Variants in SPMIP2 observed in about 807,000 individuals in gnomAD.
SPMIP2 encodes sperm microtubule inner protein 2, also known as protein SPMIP2.
the SPMIP2 span, among the ~76,000 whole-genome samples, chr4:158,959,876 A>G: frequency 6.6e-6 from 1 of 152,156 alleles, no homozygotes; most frequent in Non-Finnish European, 1.5e-5. Flanking sequence ...ATTAACCAAG[A>G]TTACCCATTA....
At chr4:159,039,960 T>C in the SPMIP2 span, among the ~76,000 whole-genome samples, 2 of 152,228 alleles carry the variant, frequency 1.3e-5, no homozygotes, top group Admixed American at 6.5e-5. Flanking sequence ...GCTTTTATTA[T>C]ATAGCAGAGA....
the SPMIP2 span, among the ~76,000 whole-genome samples, chr4:158,944,989 C>T: frequency 6.6e-6 from 1 of 152,160 alleles, no homozygotes; most frequent in Non-Finnish European, 1.5e-5. Context: ...TAAATTCCTT[C>T]CTGGCTTTCC....
At chr4:159,021,510 T>C in the SPMIP2 span, among the ~76,000 whole-genome samples, 1 of 152,174 alleles carries the variant, frequency 6.6e-6, no homozygotes, top group African/African-American at 2.4e-5. Flanking sequence ...GACCAATATA[T>C]AGAATAAGAT....
chr4:158,915,476 G>A, the SPMIP2 span: 1 of 938,640 alleles, frequency 1.1e-6, no homozygotes, highest in Non-Finnish European at 1.6e-6. Flanking sequence ...CTAGCCATGT[G>A]GCTTAGGAAA....
At chr4:159,032,889 T>C in the SPMIP2 span, among the ~76,000 whole-genome samples, 1 of 151,584 alleles carries the variant, frequency 6.6e-6, no homozygotes, top group African/African-American at 2.4e-5. Context: ...TGCAAAATAG[T>C]ATAGCTAGTT....
the SPMIP2 span, among the ~76,000 whole-genome samples, chr4:158,928,741 C>A: frequency 6.6e-6 from 1 of 152,118 alleles, no homozygotes; most frequent in Admixed American, 6.6e-5. Context: ...GTCTTTGGGT[C>A]CACGCTGCTT....
the SPMIP2 span, among the ~76,000 whole-genome samples, chr4:158,922,819 T>A: frequency 6.6e-6 from 1 of 152,226 alleles, no homozygotes; most frequent in Admixed American, 6.5e-5. Flanking sequence ...ATATTTTATA[T>A]AAATGGAATC....
chr4:159,040,231 G>A, the SPMIP2 span, among the ~76,000 whole-genome samples: 1 of 151,980 alleles, frequency 6.6e-6, no homozygotes, highest in African/African-American at 2.4e-5. Context: ...GAGTGCAGTG[G>A]TGTGCTCTTG....
At chr4:159,027,211 G>A in the SPMIP2 span, among the ~76,000 whole-genome samples, 37,874 of 151,900 alleles carry the variant, frequency 0.25, 5,312 homozygotes, top group Admixed American at 0.34. Context: ...TGATAGCAAC[G>A]CCTAATATCT....
chr4:158,960,379 C>T, the SPMIP2 span: 1 of 1,308,494 alleles, frequency 7.6e-7, no homozygotes, highest in African/African-American at 1.5e-5. Flanking sequence ...ACCATAATTC[C>T]AAAGTAAAGA....
the SPMIP2 span, among the ~76,000 whole-genome samples, chr4:158,948,117 T>C: frequency 1.3e-5 from 2 of 152,204 alleles, no homozygotes; most frequent in East Asian, 3.8e-4. Context: ...CTTTGCTTGT[T>C]CCTGTCTGAA....
the SPMIP2 span, among the ~76,000 whole-genome samples, chr4:159,017,511 T>C: frequency 1.3e-5 from 2 of 152,046 alleles, no homozygotes; most frequent in Admixed American, 6.6e-5. Context: ...GGTGCAATCA[T>C]AGCTCACTAC....
At chr4:158,992,850 G>T in the SPMIP2 span, among the ~76,000 whole-genome samples, 1 of 152,258 alleles carries the variant, frequency 6.6e-6, no homozygotes, top group Admixed American at 6.5e-5. Flanking sequence ...GAGCCCTCAT[G>T]GCCTAATCAT....
the SPMIP2 span, among the ~76,000 whole-genome samples, chr4:158,948,672 TG>T: frequency 2.0e-5 from 3 of 151,760 alleles, no homozygotes; most frequent in African/African-American, 7.2e-5. Flanking sequence ...TGGAGGGCAG[TG>T]GGATGTTTGA....
chr4:159,047,021 C>G, the SPMIP2 span, among the ~76,000 whole-genome samples: 7 of 152,220 alleles, frequency 4.6e-5, no homozygotes, highest in African/African-American at 1.7e-4. Context: ...CAGACTTTGA[C>G]CTTTGGTTGC....
chr4:159,047,681 C>G, the SPMIP2 span, among the ~76,000 whole-genome samples: 2 of 152,162 alleles, frequency 1.3e-5, no homozygotes, highest in Non-Finnish European at 2.9e-5. Context: ...GTATTTCCTG[C>G]GCTGTACCAA....
At chr4:159,061,796 G>A in the SPMIP2 span, among the ~76,000 whole-genome samples, 1 of 147,376 alleles carries the variant, frequency 6.8e-6, no homozygotes, top group African/African-American at 2.5e-5. Flanking sequence ...GGGCGACAGA[G>A]CGAGACTCAG....
chr4:159,045,398 T>C, the SPMIP2 span, among the ~76,000 whole-genome samples: 1 of 152,040 alleles, frequency 6.6e-6, no homozygotes, highest in African/African-American at 2.4e-5. Context: ...TTAATATAAG[T>C]TGAAAAAATT....
chr4:159,052,729 G>T, the SPMIP2 span, among the ~76,000 whole-genome samples: 1 of 151,078 alleles, frequency 6.6e-6, no homozygotes. Flanking sequence ...TGCCTTCCAG[G>T]TTCAAGCCAT....
Sources: gnomAD v4.1 joint callset for allele counts (sites outside exome capture counted in the v4.1 genomes callset) on GRCh38, gnomAD v4.1.1 for gene constraint, MANE v1.5 for transcripts, NCBI Gene and HGNC (gene_info 2026-07-23, HGNC 2026-07-21) for gene names.